Variants in NR3C1 observed in about 807,000 individuals in gnomAD.
NR3C1 encodes the protein nuclear receptor subfamily 3 group C member 1, also known as glucocorticoid receptor.
Under a neutral mutation model 74.0 loss-of-function variants are expected in NR3C1, and 14 were observed. The ratio of observed to expected loss-of-function variants is 0.19; its 90% CI spans 0.12 to 0.30. The LOEUF (loss-of-function observed/expected upper bound fraction) is 0.30, where lower values mean the gene tolerates loss of function less well. NR3C1 is among the 10% of genes least tolerant of loss of function. The pLI, the probability that NR3C1 is intolerant of heterozygous loss-of-function variation, is 1.00. For missense variants in NR3C1, 695 were observed against 909.8 expected (o/e 0.76, Z 3.04); for synonymous variants, 308 against 332.5 (o/e 0.93, Z 0.80).
intron 7 of NR3C1, 53 bp from the exon 8 acceptor site, chr5:143,282,778 T>C (rs1225710214): frequency 6.7e-6 from 2 of 298,980 alleles, no homozygotes; most frequent in East Asian, 1.2e-4. Context: ...TTTTCTTTTC[T>C]TTTTTTTTTT....
intron 7 of NR3C1, among the ~76,000 whole-genome samples, chr5:143,288,007 T>C (rs1200766803): frequency 6.6e-6 from 1 of 152,202 alleles, no homozygotes; most frequent in Non-Finnish European, 1.5e-5. Flanking sequence ...GAAGACTATT[T>C]GTGGAACTAT....
rs569416875 is a variant in NR3C1, at chr5:143,423,804, A to G, written c.-14+10728T>C. 3.9e-5 allele frequency among the ~76,000 whole-genome samples: 6 copies of G among 152,300 alleles called. No individual in the cohort carries two copies. The South Asian group carries it at 1.2e-3, about 32-fold the overall frequency. On this transcript the variant is annotated intron_variant, in intron 1 of 8. Transcript: ENST00000343796. ...AAAAGAATGAAATTATGTCTCTTTC[A>G]TCAACATGGATGGAACTGGAGGACA...
intron 2 of NR3C1, among the ~76,000 whole-genome samples, chr5:143,390,346 G>A (rs1258155716): frequency 6.6e-6 from 1 of 152,024 alleles, no homozygotes; most frequent in Non-Finnish European, 1.5e-5. Flanking sequence ...AGTTGTTCTT[G>A]CTATACTGAT....
chr5:143,286,427 C>T (rs189676242), intron 7 of NR3C1, among the ~76,000 whole-genome samples: 43 of 152,006 alleles, frequency 2.8e-4, no homozygotes, highest in Middle Eastern at 3.4e-3. Context: ...GATTTATCCC[C>T]GGAATGAAAG....
intron 2 of NR3C1, among the ~76,000 whole-genome samples, chr5:143,350,398 G>A (rs1830024861): frequency 6.6e-6 from 1 of 152,110 alleles, no homozygotes; most frequent in Admixed American, 6.6e-5. Flanking sequence ...GAAATTATGT[G>A]CACAGAGAGG....
At chr5:143,402,060 G>A (rs1407918425) in intron 1 of NR3C1, among the ~76,000 whole-genome samples, 2 of 152,158 alleles carry the variant, frequency 1.3e-5, no homozygotes, top group African/African-American at 4.8e-5. Context: ...AATGTCACTG[G>A]CCCTCACTGA....
rs762197361 is a variant in NR3C1 at position 143,282,690 on chromosome 5, C to G, written c.2059G>C (p.Asp687His). The G allele has an allele frequency of 1.7e-5, 28 of 1,613,508 alleles. No homozygotes were observed. The highest frequency in any genetic ancestry group is 2.4e-5 in the Non-Finnish European group (28 of 1,179,820). Residue 687 changes from aspartate to histidine, a missense_variant, in exon 8 of 9, where the codon GAT (aspartate) becomes CAT (histidine). Coordinates refer to ENST00000394464, the MANE Select transcript of NR3C1 (RefSeq NM_000176.3). Reference sequence around the variant, plus strand: ...TTGATGTAGGTCATTCTAATTTCATCAAATAGCTCTTGGCTCTTCAGACCG... The same window carrying G: ...TTGATGTAGGTCATTCTAATTTCATGAAATAGCTCTTGGCTCTTCAGACCG... ...KDGLKSQELF[D>H]EIRMTYIKEL...
intron 2 of NR3C1, among the ~76,000 whole-genome samples, chr5:143,371,831 T>C (rs1435270411): frequency 6.6e-6 from 1 of 152,182 alleles, no homozygotes; most frequent in African/African-American, 2.4e-5. Context: ...TAAGGTAAAA[T>C]ACTAATCACA....
At chr5:143,403,080 G>GCCCCCCCCCCCCCC in intron 1 of NR3C1, 131 bp downstream of exon 1, 1 of 764,900 alleles carries the variant, frequency 1.3e-6, no homozygotes, top group Non-Finnish European at 1.6e-6. Context: ...GCCCTTGCCA[G>GCCCCCCCCCCCCCC]CCCCCCACCC....
chr5:143,373,576 C>T (rs898088334), intron 2 of NR3C1, among the ~76,000 whole-genome samples: 4 of 151,430 alleles, frequency 2.6e-5, no homozygotes, highest in African/African-American at 9.7e-5. Context: ...CAAACCTGCA[C>T]GTTGTGCACA....
chr5:143,298,895 A>G, intron 5 of NR3C1, 83 bp from the exon 6 acceptor site: 1 of 1,445,900 alleles, frequency 6.9e-7, no homozygotes, highest in Non-Finnish European at 9.6e-7. Flanking sequence ...AATGAGATCA[A>G]TTAGCCCTGT....
At chr5:143,404,527 C>G, upstream of NR3C1, 1 of 979,490 alleles carries the variant, frequency 1.0e-6, no homozygotes, top group Non-Finnish European at 1.2e-6. Flanking sequence ...CGTCCCCCAC[C>G]CTCTTCCCCG....
At chr5:143,385,587 T>C (rs1204925099) in intron 2 of NR3C1, among the ~76,000 whole-genome samples, 1 of 152,140 alleles carries the variant, frequency 6.6e-6, no homozygotes, top group African/African-American at 2.4e-5. Flanking sequence ...AAATCATCTC[T>C]CTCAAGTTCA....
chr5:143,424,955 AG>A (rs1351298301), intron 1 of NR3C1, among the ~76,000 whole-genome samples: 1 of 152,236 alleles, frequency 6.6e-6, no homozygotes, highest in Non-Finnish European at 1.5e-5. Context: ...CTATAAAAAA[AG>A]GCAAAGTTCG....
chr5:143,307,021 C>T (rs1202857269), intron 4 of NR3C1, among the ~76,000 whole-genome samples: 1 of 151,422 alleles, frequency 6.6e-6, no homozygotes, highest in African/African-American at 2.4e-5. Flanking sequence ...CTCAGCCTCC[C>T]GAGTAGCTGG....
intron 2 of NR3C1, among the ~76,000 whole-genome samples, chr5:143,333,969 A>T (rs1181028868): frequency 1.3e-5 from 2 of 152,190 alleles, no homozygotes; most frequent in Admixed American, 1.3e-4. Flanking sequence ...ACTGCGGTAA[A>T]TTTTTTATCA....
intron 1 of NR3C1, chr5:143,434,431 T>A: frequency 1.8e-6 from 1 of 553,230 alleles, no homozygotes; most frequent in Non-Finnish European, 2.3e-6. Flanking sequence ...CTTGTGATTG[T>A]CTTTTTTTCT....
upstream of NR3C1, chr5:143,404,292 C>A: frequency 1.0e-6 from 1 of 985,646 alleles, no homozygotes; most frequent in Non-Finnish European, 1.2e-6. Context: ...GCGTCTCGGC[C>A]GCGCTCGGGG....
chr5:143,433,468 A>ATTTATTTAAATTATATATATATATAATT (rs1408637274), intron 1 of NR3C1, among the ~76,000 whole-genome samples: 1 of 38,322 alleles, frequency 2.6e-5, no homozygotes, highest in African/African-American at 7.4e-5. Flanking sequence ...ATATATATAT[A>ATTTATTTAAATTATATATATATATAATT]TATTTAATTT....
Sources: gnomAD v4.1 joint callset for allele counts (sites outside exome capture counted in the v4.1 genomes callset) on GRCh38, gnomAD v4.1.1 for gene constraint, MANE v1.5 for transcripts, NCBI Gene and HGNC (gene_info 2026-07-23, HGNC 2026-07-21) for gene names.